The following SLC7A7 variants were observed in gnomAD, a reference collection of about 807,000 sequenced individuals.
The protein encoded by SLC7A7 is Y+L amino acid transporter 1.
In SLC7A7, 39 loss-of-function variants were observed where a neutral mutation model predicts 47.9. The observed-to-expected ratio is 0.81, with a 90% CI of 0.63 to 1.06. The LOEUF (loss-of-function observed/expected upper bound fraction) is 1.06. Ranked by LOEUF, SLC7A7 falls within the 50% of genes least tolerant of loss-of-function variation. The pLI is 0.00. For missense variants in SLC7A7, 588 were observed against 632.0 expected (o/e 0.93, Z 0.75); for synonymous variants, 234 against 242.8 (o/e 0.96, Z 0.34).
intron 2 of SLC7A7, among the ~76,000 whole-genome samples, chr14:22,786,952 A>AT (rs929957966): frequency 4.6e-5 from 7 of 152,066 alleles, no homozygotes; most frequent in South Asian, 4.2e-4. Context: ...AAAAAAAGTG[A>AT]TTTTTTCCCC....
At chr14:22,815,014 C>T (rs890154552) in intron 1 of SLC7A7, 4 of 259,310 alleles carry the variant, frequency 1.5e-5, no homozygotes, top group East Asian at 9.3e-5. Flanking sequence ...GAGAGAAGGG[C>T]GATCCAATGT....
upstream of SLC7A7, chr14:22,817,315 G>A (rs759156968): frequency 5.1e-5 from 12 of 234,426 alleles, no homozygotes; most frequent in Admixed American, 3.6e-4. Flanking sequence ...TTTTTATTTC[G>A]GTATTTTTAT....
chr14:22,818,502 G>A (rs568745671), upstream of SLC7A7, among the ~76,000 whole-genome samples: 8 of 151,844 alleles, frequency 5.3e-5, no homozygotes, highest in African/African-American at 1.9e-4. Context: ...CCACCATTCA[G>A]GCAGCCCCAC....
chr14:22,795,046 T>G (rs1165356337), intron 2 of SLC7A7, among the ~76,000 whole-genome samples: 1 of 150,660 alleles, frequency 6.6e-6, no homozygotes, highest in Non-Finnish European at 1.5e-5. Flanking sequence ...AGTCAGGGAG[T>G]GGGAGTGATG....
chr14:22,785,052 G>C (rs769268023), intron 2 of SLC7A7, among the ~76,000 whole-genome samples: 4 of 152,140 alleles, frequency 2.6e-5, no homozygotes, highest in Non-Finnish European at 5.9e-5. Context: ...ACTGAGGCGG[G>C]CAGATCACTT....
intron 2 of SLC7A7, among the ~76,000 whole-genome samples, chr14:22,807,245 C>T (rs528237947): frequency 1.4e-4 from 21 of 152,254 alleles, no homozygotes; most frequent in Admixed American, 5.2e-4. Context: ...AAGGCCACTC[C>T]ACAGTGCAGA....
intron 2 of SLC7A7, among the ~76,000 whole-genome samples, chr14:22,799,874 A>G (rs2039082899): frequency 6.6e-6 from 1 of 152,226 alleles, no homozygotes; most frequent in African/African-American, 2.4e-5. Flanking sequence ...ATTACCAGGC[A>G]CATCAAACTC....
At chr14:22,805,143 G>A (rs1417785207) in intron 2 of SLC7A7, among the ~76,000 whole-genome samples, 1 of 151,570 alleles carries the variant, frequency 6.6e-6, no homozygotes, top group Non-Finnish European at 1.5e-5. Flanking sequence ...CAAGGCAGGT[G>A]GACCACAAGG....
chr14:22,795,076 C>CTT (rs3076435), intron 2 of SLC7A7, among the ~76,000 whole-genome samples: 17 of 97,560 alleles, frequency 1.7e-4, no homozygotes, highest in African/African-American at 4.8e-4. Flanking sequence ...TTCTTTCTTT[C>CTT]TTTTTTTTTT....
rs1416761052 is a variant in SLC7A7, at chr14:22,778,161, T to C, written c.770+632A>G. 3.9e-5 allele frequency among the ~76,000 whole-genome samples: 6 copies of C among 152,246 alleles called. No individual in the cohort carries two copies. The East Asian group carries it at 1.2e-3, about 29-fold the overall frequency. ...AGAATTTTAGAGCCAGGAAAGGCCATGGAGATCACAGAATTTAACCCCCTC... is the reference window on the plus strand; with the variant it reads ...AGAATTTTAGAGCCAGGAAAGGCCACGGAGATCACAGAATTTAACCCCCTC... On this transcript the variant is annotated intron_variant, in intron 4 of 9. Transcript: ENST00000674313.
chr14:22,773,571 A>G lies in SLC7A7; in HGVS notation c.*39T>C. On this transcript the variant is annotated 3_prime_UTR_variant, in exon 10 of 10. Transcript: ENST00000674313. ...CTTCCTTAGCTCTAGCCAGTAGACC[A>G]GAAACCCCTGCTTTCCACATCAGGA... 6.4e-7 allele frequency: 1 copy of G among 1,565,086 alleles called. No homozygotes were observed. Among genetic ancestry groups the G allele is most frequent in the Non-Finnish European group, 8.8e-7 (1 of 1,135,124 alleles).
At chr14:22,818,480 A>T (rs186206214), upstream of SLC7A7, among the ~76,000 whole-genome samples, 561 of 151,538 alleles carry the variant, frequency 3.7e-3, 3 homozygotes, top group South Asian at 0.017. Flanking sequence ...CCTGGGTCTT[A>T]GGGTAATGCT....
Position 22,779,944 on chromosome 14 carries a change from T to C in SLC7A7, c.607A>G (p.Ile203Val), listed in dbSNP as rs1226094466. 1 of 1,614,168 alleles carries C rather than the reference T, an allele frequency of 6.2e-7. No individual in the cohort carries two copies. The highest frequency in any genetic ancestry group is 1.7e-5 in the Admixed American group (1 of 60,018). The change falls in exon 3 of 10, where the codon ATT (isoleucine) becomes GTT (valine). Residue 203 changes from isoleucine to valine, a missense_variant. Physicochemically the swap from Ile to Val is conservative, Grantham distance 29 (BLOSUM62 3). Transcript: ENST00000674313. ...LALIAVIVAG[I>V]VRLGQGASTH... ...TTCTTACCCTGGCCAAGTCTAACAA[T>C]GCCTGCAACGATGACCGCGATCAGT...
Position 22,779,832 on chromosome 14 carries a change from T to A in SLC7A7, c.625+94A>T, listed in dbSNP as rs1351529854. 4.3e-6 allele frequency: 5 copies of A among 1,171,284 alleles called. No individual in the cohort carries two copies. The African/African-American group carries it at 7.6e-5, about 18-fold the overall frequency. 72.6% of individuals were successfully genotyped at this position (1,171,284 alleles called of 1,614,324 possible). On this transcript the variant is annotated intron_variant, in intron 3 of 9. Coordinates refer to ENST00000674313, the MANE Select transcript of SLC7A7 (RefSeq NM_003982.4). Reference sequence around the variant, plus strand: ...TAGTGCCCACCGAATAAGGTTATAGTAAGAAATGAGATAATGCACAAAGAG... The same window carrying A: ...TAGTGCCCACCGAATAAGGTTATAGAAAGAAATGAGATAATGCACAAAGAG...
At chr14:22,775,572 A>G in intron 6 of SLC7A7, 32 bp from the exon 7 acceptor site, 1 of 1,589,520 alleles carries the variant, frequency 6.3e-7, no homozygotes, top group South Asian at 1.1e-5. Context: ...AAGCTGAGAA[A>G]ATTGGTGGAC....
intron 2 of SLC7A7, among the ~76,000 whole-genome samples, chr14:22,806,187 C>CTTTTTT (rs77783824): frequency 7.7e-5 from 6 of 78,278 alleles, no homozygotes; most frequent in East Asian, 4.1e-4. Flanking sequence ...ACATCAATCT[C>CTTTTTT]TTTTTTTTTT....
Position 22,778,867 on chromosome 14 carries a change from C to CA in SLC7A7, c.695dup (p.Tyr233ValfsTer18). The CA allele has an allele frequency of 2.5e-6, 4 of 1,614,168 alleles. No individual in the cohort carries two copies. The highest frequency in any genetic ancestry group is 3.4e-6 in the Non-Finnish European group (4 of 1,180,034). On this transcript the variant is annotated frameshift_variant, in exon 4 of 10. Coordinates refer to ENST00000674313, the MANE Select transcript of SLC7A7 (RefSeq NM_003982.4). LOFTEE classifies it high-confidence loss of function. ...CTGAGTAGGAGAACAGAGCTGAGTA[C>CA]AGTGCCAGGGCAATGTCACCCACTG... is the stretch of plus-strand genomic sequence containing the variant.
chr14:22,775,507 G>A lies in SLC7A7; in HGVS notation c.1032C>T (p.Leu344=), dbSNP rs2139387119. ...LFFVGSREGH[L]PDAICMIHVE... ...CATGGATCATGCAGATGGCATCAGG[G>A]AGATGGCCTTCTCTTGAGCCCACAA... is the stretch of plus-strand genomic sequence containing the variant. The change falls in exon 7 of 10, where the codon CTC becomes CTT. Residue 344 remains leucine, a synonymous_variant. Transcript: ENST00000674313. The A allele has an allele frequency of 1.2e-6, 2 of 1,614,192 alleles. No individual in the cohort carries two copies. The highest frequency in any genetic ancestry group is 1.7e-6 in the Non-Finnish European group (2 of 1,180,026).
intron 2 of SLC7A7, among the ~76,000 whole-genome samples, chr14:22,786,646 T>A (rs1320188190): frequency 6.6e-6 from 1 of 152,180 alleles, no homozygotes; most frequent in East Asian, 1.9e-4. Flanking sequence ...TAAAAATGAT[T>A]TTTTTAGCTG....
Sources: gnomAD v4.1 joint callset for allele counts (sites outside exome capture counted in the v4.1 genomes callset) on GRCh38, gnomAD v4.1.1 for gene constraint, MANE v1.5 for transcripts, NCBI Gene and HGNC (gene_info 2026-07-23, HGNC 2026-07-21) for gene names.